Variants in SLC6A15 observed in about 807,000 individuals in gnomAD.
SLC6A15 encodes the protein solute carrier family 6 member 15.
SLC6A15 carries 33 observed loss-of-function variants against 68.5 expected under a neutral mutation model. The ratio of observed to expected loss-of-function variants is 0.48; its 90% confidence interval spans 0.37 to 0.64. SLC6A15 has a LOEUF of 0.64. SLC6A15 is among the 30% of genes least tolerant of loss of function. The pLI is 0.00. For missense variants in SLC6A15, 747 were observed against 874.3 expected (o/e 0.85, Z 1.84); for synonymous variants, 347 against 301.0 (o/e 1.15, Z -1.58).
intron 5 of SLC6A15, among the ~76,000 whole-genome samples, chr12:84,880,572 T>C (rs929070399): frequency 6.6e-6 from 1 of 152,188 alleles, no homozygotes; most frequent in Non-Finnish European, 1.5e-5. Context: ...GTCTAGAACA[T>C]AGTAAGTGCT....
At chr12:84,873,623 T>G (rs868385344) in intron 6 of SLC6A15, among the ~76,000 whole-genome samples, 2 of 152,156 alleles carry the variant, frequency 1.3e-5, no homozygotes, top group East Asian at 1.9e-4. Context: ...AATGAGAATA[T>G]GAAGAAAAAT....
chr12:84,892,168 G>C lies in SLC6A15; in HGVS notation c.-48C>G. The C allele has an allele frequency of 7.2e-7, 1 of 1,394,014 alleles. No homozygotes were observed. Among genetic ancestry groups the C allele is most frequent in the Non-Finnish European group, 9.8e-7 (1 of 1,022,316 alleles). The allele number at this position is 1,394,014 out of a possible 1,614,324, so 86.4% of individuals were successfully genotyped here. A position where few individuals can be genotyped will look rare whatever the true frequency, so the allele number is the denominator to read the frequency against. On this transcript the variant is annotated 5_prime_UTR_variant, in exon 2 of 12. Transcript: ENST00000266682. ...AAAAAAAAAAAAAAAACTCCCTTAT[G>C]GCAAATGTGTTAACTCTATTTTTCA...
rs1871341956 is a variant in SLC6A15 at position 84,872,732 on chromosome 12, T to C, written c.1172A>G (p.His391Arg). The C allele has an allele frequency of 6.2e-7, 1 of 1,613,096 alleles. No individual in the cohort carries two copies. The highest frequency in any genetic ancestry group is 8.5e-7 in the Non-Finnish European group (1 of 1,179,762). ...AGTAACAGTTGAAAGGTTGATATGA[T>C]GGGGAATAATATCCTGACTAATGTT... ...MGNISQDIIP[H>R]HINLSTVTAE... is the part of the protein sequence containing the mutation. Residue 391 changes from histidine to arginine, a missense_variant, in exon 8 of 12, where the codon CAT (histidine) becomes CGT (arginine). Physicochemically the swap from His to Arg is conservative, Grantham distance 29 (BLOSUM62 0). Transcript: ENST00000266682.
rs186075326 is a variant in SLC6A15, at chr12:84,862,053, C to A, written c.1819-47G>T. On this transcript the variant is annotated intron_variant, in intron 11 of 11. Coordinates refer to ENST00000266682, the MANE Select transcript of SLC6A15 (RefSeq NM_182767.6). ...ATTATTAGTAATCTATCTTTCTTTG[C>A]ACATACATAAAATATTGTACTTGCT... 3.9e-4 allele frequency: 578 copies of A among 1,500,948 alleles called. No homozygotes were observed. The East Asian group carries it at 6.9e-3, about 18-fold the overall frequency. 93.0% of individuals were successfully genotyped at this position (1,500,948 alleles called of 1,614,324 possible).
At chr12:84,880,060 G>A (rs1592600458) in intron 5 of SLC6A15, among the ~76,000 whole-genome samples, 1 of 152,056 alleles carries the variant, frequency 6.6e-6, no homozygotes, top group Non-Finnish European at 1.5e-5. Flanking sequence ...ACACTGATCT[G>A]GATTCAGTAA....
intron 2 of SLC6A15, among the ~76,000 whole-genome samples, chr12:84,887,229 G>C (rs1341609988): frequency 6.6e-6 from 1 of 152,002 alleles, no homozygotes; most frequent in Non-Finnish European, 1.5e-5. Flanking sequence ...TTTCTATAAA[G>C]AGCCTTTTAT....
At chr12:84,869,792 T>C (rs576313574) in intron 9 of SLC6A15, among the ~76,000 whole-genome samples, 1 of 152,208 alleles carries the variant, frequency 6.6e-6, no homozygotes, top group South Asian at 2.1e-4. Context: ...TTTTACATGC[T>C]GTAAGTCTTA....
In SLC6A15 at chr12:84,892,106, G is replaced by C; in HGVS notation, c.15C>G (p.Ser5Arg). 1 of 1,603,602 alleles carries C rather than the reference G, an allele frequency of 6.2e-7. No homozygotes were observed. The highest frequency in any genetic ancestry group is 8.5e-7 in the Non-Finnish European group (1 of 1,175,636). Residue 5 changes from serine (S) to arginine (R), a missense_variant, in exon 2 of 12, where the codon AGC becomes AGG. Transcript: ENST00000266682. MPKNSKVVKRELDDD... is the reference protein window; with the variant it reads MPKNRKVVKRELDDD... ...CATCTAATTCTCTTTTTACCACCTT[G>C]CTATTTTTGGGCATTGGAGAGTATG...
chr12:84,865,605 T>C (rs11836042), intron 10 of SLC6A15, among the ~76,000 whole-genome samples: 42,060 of 152,150 alleles, frequency 0.28, 6,547 homozygotes, highest in Middle Eastern at 0.42. Flanking sequence ...CATTCTGTGC[T>C]CAGCGTATAC....
In SLC6A15 at chr12:84,870,543, C is replaced by CCAAA. The variant is rs1433609218; in HGVS notation, c.1426_1429dup (p.Gly477ValfsTer5). The stretch of plus-strand genomic sequence containing the variant: ...AGGCGTGACAATCCCTTCAATGGTT[C>CCAAA]CAAACATACTGCCAAGGCCTAGATT... On this transcript the variant is annotated frameshift_variant, in exon 9 of 12. Transcript: ENST00000266682. LOFTEE classifies it high-confidence loss of function. The CCAAA allele has an allele frequency of 6.2e-7, 1 of 1,604,980 alleles. No homozygotes were observed.
chr12:84,887,639 A>T (rs1287262236), intron 2 of SLC6A15, among the ~76,000 whole-genome samples: 1 of 152,182 alleles, frequency 6.6e-6, no homozygotes, highest in Non-Finnish European at 1.5e-5. Context: ...CCAAAGACTG[A>T]AAGTGAATTT....
At chr12:84,898,240 C>G (rs1413743870) in intron 1 of SLC6A15, among the ~76,000 whole-genome samples, 1 of 152,078 alleles carries the variant, frequency 6.6e-6, no homozygotes, top group African/African-American at 2.4e-5. Flanking sequence ...ACTTGGTTGG[C>G]TGAGGCACAA....
At chr12:84,869,314 T>C (rs1565720771) in intron 9 of SLC6A15, among the ~76,000 whole-genome samples, 1 of 151,688 alleles carries the variant, frequency 6.6e-6, no homozygotes. Context: ...TACAAAAAAT[T>C]AGCCAAGCGT....
At chr12:84,882,152 A>C (rs1871848893) in intron 5 of SLC6A15, 4 of 985,420 alleles carry the variant, frequency 4.1e-6, no homozygotes. Flanking sequence ...CGTGGTAGTA[A>C]GAGAACCTGA....
rs1337467870 is a variant in SLC6A15 at position 84,867,177 on chromosome 12, C to A, written c.1512G>T (p.Leu504=). ...KEILTVICCL[L]AFCIGLIFVQ... is the part of the protein sequence containing the mutation. ...CAAATATCAGGCCAATACAAAATGC[C>A]AGAAGACAACAGATAACTAGACAAA... Residue 504 remains leucine (L), a synonymous_variant, in exon 10 of 12, where the codon CTG becomes CTT. Transcript: ENST00000266682. 4 of 1,596,280 alleles carry A rather than the reference C, an allele frequency of 2.5e-6. No individual in the cohort carries two copies. The highest frequency in any genetic ancestry group is 3.4e-6 in the Non-Finnish European group (4 of 1,171,994).
Position 84,872,535 on chromosome 12 carries a change from G to T in SLC6A15, c.1302+67C>A, listed in dbSNP as rs536028029. On this transcript the variant is annotated intron_variant, in intron 8 of 11. Transcript: ENST00000266682. Reference sequence around the variant, plus strand: ...TTTTAAGGCCCTTTTCCTGAAGGGAGTCTGCTGGATAATGCATATTTCAAG... The same window carrying T: ...TTTTAAGGCCCTTTTCCTGAAGGGATTCTGCTGGATAATGCATATTTCAAG... 29 of 1,336,218 alleles carry T rather than the reference G, an allele frequency of 2.2e-5. No individual in the cohort carries two copies. The South Asian group carries it at 3.3e-4, about 15-fold the overall frequency. 82.8% of individuals were successfully genotyped at this position (1,336,218 alleles called of 1,614,324 possible).
intron 1 of SLC6A15, among the ~76,000 whole-genome samples, chr12:84,897,764 G>A (rs1872690200): frequency 6.6e-6 from 1 of 152,112 alleles, no homozygotes; most frequent in African/African-American, 2.4e-5. Flanking sequence ...TGAGCCCTAT[G>A]GGATGAAGGA....
In SLC6A15 at chr12:84,890,062, A is replaced by G. The variant is rs192774767; in HGVS notation, c.289+1770T>C. Reference sequence around the variant, plus strand: ...TTAGTCAGAAGATATTCCTCCAACAATTAGAAGACTCAATGCCATACTGAA... The same window carrying G: ...TTAGTCAGAAGATATTCCTCCAACAGTTAGAAGACTCAATGCCATACTGAA... On this transcript the variant is annotated intron_variant, in intron 2 of 11. Coordinates refer to ENST00000266682, the MANE Select transcript of SLC6A15 (RefSeq NM_182767.6). 4.7e-4 allele frequency among the ~76,000 whole-genome samples: 72 copies of G among 152,286 alleles called. 1 individual carries two copies. In the East Asian group the frequency reaches 0.014, roughly 29 times the overall value.
At chr12:84,902,730 C>T (rs185683013) in intron 1 of SLC6A15, among the ~76,000 whole-genome samples, 5 of 151,884 alleles carry the variant, frequency 3.3e-5, no homozygotes, top group Admixed American at 3.3e-4. Context: ...TCAGTGAAAA[C>T]AATATAAAAA....
Sources: allele counts gnomAD v4.1 joint callset (sites outside exome capture counted in the v4.1 genomes callset), GRCh38; gene constraint gnomAD v4.1.1; transcripts MANE v1.5; gene names NCBI Gene and HGNC (gene_info 2026-07-23, HGNC 2026-07-21).